The following ZNF705G variants were observed in gnomAD, a reference collection of about 807,000 sequenced individuals.
ZNF705G encodes putative zinc finger protein 705G.
In ZNF705G, 23 loss-of-function variants were observed where a neutral mutation model predicts 19.6. That is an observed-to-expected ratio of 1.17 (90% CI 0.84 to 1.66). The LOEUF is 1.66. ZNF705G is among the 40% of genes most tolerant of loss of function. The pLI, the probability that ZNF705G is intolerant of heterozygous loss-of-function variation, is 0.00. For missense variants in ZNF705G, 457 were observed against 354.4 expected (o/e 1.29, Z -2.32); for synonymous variants, 146 against 117.7 (o/e 1.24, Z -1.56).
intron 5 of ZNF705G, 47 bp from the exon 6 acceptor site, chr8:7,359,748 A>G: frequency 6.2e-7 from 1 of 1,604,098 alleles, no homozygotes; most frequent in South Asian, 1.1e-5. Context: ...TATGGTAATA[A>G]AATTGTTTGA....
chr8:7,365,744 G>A (rs1351397370), intron 2 of ZNF705G, among the ~76,000 whole-genome samples: 9 of 149,554 alleles, frequency 6.0e-5, no homozygotes, highest in Admixed American at 3.9e-4. Context: ...AAGGACACCC[G>A]TAAAAATTAA....
chr8:7,358,973 T>C (rs1301226228), intron 6 of ZNF705G, among the ~76,000 whole-genome samples: 1 of 149,636 alleles, frequency 6.7e-6, no homozygotes, highest in Non-Finnish European at 1.5e-5. Context: ...CTGCCCCATT[T>C]TGCCTATGTT....
intron 1 of ZNF705G, among the ~76,000 whole-genome samples, chr8:7,383,250 C>A (rs1807583609): frequency 6.8e-6 from 1 of 147,732 alleles, no homozygotes; most frequent in African/African-American, 2.7e-5. Flanking sequence ...GTTTCTTAAT[C>A]ATGTAGTGCA....
intron 6 of ZNF705G, 127 bp from the exon 7 acceptor site, chr8:7,358,687 T>C: frequency 2.0e-6 from 3 of 1,468,360 alleles, no homozygotes; most frequent in South Asian, 2.8e-5. Context: ...CCAATGTTTC[T>C]TGTGTGAAAG....
rs1440816721 is a variant in ZNF705G at position 7,379,388 on chromosome 8, G to C, written c.-72+2064C>G. On this transcript the variant is annotated intron_variant, in intron 2 of 6. Coordinates refer to ENST00000400156, the MANE Select transcript of ZNF705G (RefSeq NM_001164457.3). The stretch of plus-strand genomic sequence containing the variant: ...TATTTCTTAGAAAAGAAGCAGTTTG[G>C]ACACGTATATTAAAGCCGTCACATA... Among the ~76,000 whole-genome samples, 6 of 147,150 alleles carry C rather than the reference G, an allele frequency of 4.1e-5. 2 individuals carry two copies. Among genetic ancestry groups the C allele is most frequent in the African/African-American group, 1.6e-4 (6 of 36,650 alleles).
rs570565092 is a variant in ZNF705G at position 7,363,688 on chromosome 8, G to C, written c.-71-671C>G. Among the ~76,000 whole-genome samples, 4 of 149,446 alleles carry C rather than the reference G, an allele frequency of 2.7e-5. No individual in the cohort carries two copies. The South Asian group carries it at 8.4e-4, about 31-fold the overall frequency. ...ATACAAAAATTAACTGGGTATGGTG[G>C]TGCTTGCCTGTAATCCCAGCTACTC... is the stretch of plus-strand genomic sequence containing the variant. On this transcript the variant is annotated intron_variant, in intron 2 of 6. Coordinates refer to ENST00000400156, the MANE Select transcript of ZNF705G (RefSeq NM_001164457.3).
At chr8:7,381,834 T>C (rs1807510734) in intron 1 of ZNF705G, among the ~76,000 whole-genome samples, 1 of 149,568 alleles carries the variant, frequency 6.7e-6, no homozygotes, top group South Asian at 2.1e-4. Context: ...AACCACCACA[T>C]AATACCATAT....
intron 2 of ZNF705G, among the ~76,000 whole-genome samples, chr8:7,374,168 G>C (rs1247703838): frequency 9.4e-6 from 1 of 106,628 alleles, no homozygotes; most frequent in South Asian, 3.3e-4. Flanking sequence ...CCTGAAAAAA[G>C]GTGATACCAT....
intron 1 of ZNF705G, among the ~76,000 whole-genome samples, chr8:7,381,927 T>C (rs1807514961): frequency 6.6e-6 from 1 of 151,990 alleles, no homozygotes; most frequent in Non-Finnish European, 1.5e-5. Context: ...ATAGAGTAAA[T>C]GGATCTTTTT....
chr8:7,363,497 C>T (rs1215810757), intron 2 of ZNF705G, among the ~76,000 whole-genome samples: 2 of 149,378 alleles, frequency 1.3e-5, no homozygotes, highest in South Asian at 2.1e-4. Context: ...TTTTGTATTT[C>T]CCCTTGGAAC....
intron 2 of ZNF705G, among the ~76,000 whole-genome samples, chr8:7,368,746 G>A (rs545058840): frequency 1.3e-5 from 2 of 149,768 alleles, no homozygotes; most frequent in African/African-American, 5.1e-5. Flanking sequence ...TTTGTGAGCT[G>A]GGCCCAGTGC....
At chr8:7,380,798 T>C (rs1322422263) in intron 2 of ZNF705G, among the ~76,000 whole-genome samples, 2 of 145,456 alleles carry the variant, frequency 1.4e-5, no homozygotes, top group African/African-American at 5.7e-5. Context: ...GGGGGGCAGA[T>C]CACCCGAGGT....
In ZNF705G at chr8:7,368,422, T is replaced by C. The variant is rs559070169; in HGVS notation, c.-71-5405A>G. On this transcript the variant is annotated intron_variant, in intron 2 of 6. Transcript: ENST00000400156. ...CTTCTGGAGACTCTATATTCTAAAATTCTTTGGAGGTAAACTGGACTTGAA... is the reference window on the plus strand; with the variant it reads ...CTTCTGGAGACTCTATATTCTAAAACTCTTTGGAGGTAAACTGGACTTGAA... Among the ~76,000 whole-genome samples the C allele has an allele frequency of 2.0e-5, 3 of 149,578 alleles. No individual in the cohort carries two copies. In the East Asian group the frequency reaches 5.8e-4, roughly 29 times the overall value.
chr8:7,359,850 G>T lies in ZNF705G; in HGVS notation c.236-149C>A, dbSNP rs911017907. 1.5e-5 allele frequency: 19 copies of T among 1,248,150 alleles called. 4 individuals carry two copies. In the African/African-American group the frequency reaches 2.8e-4, roughly 18 times the overall value. 77.3% of individuals were successfully genotyped at this position (1,248,150 alleles called of 1,614,324 possible). ...AGAAACTACTTGAATAGAAGAAATA[G>T]ATTGTACAGTGTCAGCAATTAGAAA... On this transcript the variant is annotated intron_variant, in intron 5 of 6. Transcript: ENST00000400156.
rs1807473908 is a variant in ZNF705G, at chr8:7,381,029, A to AAC, written c.-72+422_-72+423insGT. On this transcript the variant is annotated intron_variant, in intron 2 of 6. Transcript: ENST00000400156. Reference sequence around the variant, plus strand: ...AGACTCTGTCTCAAACCACCACCAAAAAAAAAAAAAAAAAAAAAAAAAAAC... The same window carrying AAC: ...AGACTCTGTCTCAAACCACCACCAAAACAAAAAAAAAAAAAAAAAAAAAAAAC... 1.6e-4 allele frequency among the ~76,000 whole-genome samples: 7 copies of AAC among 43,622 alleles called. 1 individual carries two copies. Among genetic ancestry groups the AAC allele is most frequent in the Non-Finnish European group, 2.2e-4 (5 of 22,770 alleles). The allele number at this position is 43,622 out of a possible 152,430, so 28.6% of individuals were successfully genotyped here. A position where few individuals can be genotyped will look rare whatever the true frequency, so the allele number is the denominator to read the frequency against.
At chr8:7,379,908 T>C (rs1807413162) in intron 2 of ZNF705G, among the ~76,000 whole-genome samples, 1 of 144,570 alleles carries the variant, frequency 6.9e-6, no homozygotes, top group South Asian at 2.1e-4. Flanking sequence ...CATCCTGCCC[T>C]GGGGCCCAAC....
intron 1 of ZNF705G, among the ~76,000 whole-genome samples, chr8:7,382,638 C>A (rs539243694): frequency 6.8e-6 from 1 of 146,628 alleles, no homozygotes; most frequent in African/African-American, 2.8e-5. Flanking sequence ...ATTAAAATTG[C>A]ATTTTGAATT....
intron 2 of ZNF705G, among the ~76,000 whole-genome samples, chr8:7,365,612 C>A (rs564869740): frequency 6.7e-6 from 1 of 149,368 alleles, no homozygotes; most frequent in South Asian, 2.1e-4. Context: ...TCAGGTGATC[C>A]GCCAGCCTCC....
At chr8:7,365,539 C>T (rs768172618) in intron 2 of ZNF705G, among the ~76,000 whole-genome samples, 3 of 149,060 alleles carry the variant, frequency 2.0e-5, no homozygotes, top group Admixed American at 1.3e-4. Flanking sequence ...CCATCGTGCT[C>T]GGCTAATTTT....
Sources: gnomAD v4.1 joint callset for allele counts (sites outside exome capture counted in the v4.1 genomes callset) on GRCh38, gnomAD v4.1.1 for gene constraint, MANE v1.5 for transcripts, NCBI Gene and HGNC (gene_info 2026-07-23, HGNC 2026-07-21) for gene names.